The following CYP26B1 variants were observed in gnomAD, a reference collection of about 807,000 sequenced individuals.
The protein encoded by CYP26B1 is cytochrome P450 family 26 subfamily B member 1.
CYP26B1 carries 8 observed loss-of-function variants against 39.1 expected under a neutral mutation model. That is an observed-to-expected ratio of 0.20 (90% CI 0.12 to 0.37). The LOEUF is 0.37. Ranked by LOEUF, CYP26B1 falls within the 10% of genes least tolerant of loss-of-function variation. The pLI is 1.00. For missense variants in CYP26B1, 615 were observed against 707.0 expected, an observed-to-expected ratio of 0.87 and a Z score of 1.48; for synonymous variants, 321 against 314.3, an observed-to-expected ratio of 1.02 and a Z score of -0.23.
chr2:72,135,475 G>A, intron 2 of CYP26B1, 56 bp from the exon 3 acceptor site: 1 of 1,596,390 alleles, frequency 6.3e-7, no homozygotes, highest in Non-Finnish European at 8.5e-7. Context: ...CCCCTGGCCA[G>A]CCCCTCACTC....
intron 5 of CYP26B1, 144 bp downstream of exon 5, chr2:72,132,879 C>A: frequency 7.0e-7 from 1 of 1,422,780 alleles, no homozygotes; most frequent in Non-Finnish European, 9.6e-7. Flanking sequence ...CGCACTTCTC[C>A]CATCGGACTG....
chr2:72,136,303 A>G (rs1572925196), intron 2 of CYP26B1, among the ~76,000 whole-genome samples: 2 of 151,848 alleles, frequency 1.3e-5, no homozygotes, highest in South Asian at 4.2e-4. Flanking sequence ...CCCCCACTCC[A>G]CCCCATGCAA....
intron 2 of CYP26B1, among the ~76,000 whole-genome samples, chr2:72,143,603 GAT>G: frequency 6.6e-6 from 1 of 152,360 alleles, no homozygotes; most frequent in South Asian, 2.1e-4. Context: ...ATTTTAGAAT[GAT>G]CGGTCTCCAG....
chr2:72,132,441 A>G lies in CYP26B1; in HGVS notation c.1325T>C (p.Leu442Pro). ...GAACAGCTTGGCCAGGTGCTTGCCC[A>G]GGCAGGTCCGGACACCGCCACCGAA... Reference protein sequence around the residue: ...LPFGGGVRTCLGKHLAKLFLK... With the variant: ...LPFGGGVRTCPGKHLAKLFLK... The change falls in exon 6 of 6, where the codon CTG becomes CCG. Residue 442 changes from leucine (L) to proline (P), a missense_variant. Transcript: ENST00000001146. 1 of 1,613,250 alleles carries G rather than the reference A, an allele frequency of 6.2e-7. No homozygotes were observed. Among genetic ancestry groups the G allele is most frequent in the Non-Finnish European group, 8.5e-7 (1 of 1,179,614 alleles).
intron 1 of CYP26B1, 42 bp from the exon 2 acceptor site, chr2:72,144,255 G>A (rs760252440): frequency 2.2e-5 from 35 of 1,563,390 alleles, no homozygotes; most frequent in Non-Finnish European, 3.0e-5. Flanking sequence ...GTGCACTTCT[G>A]CAGAGGGCCC....
chr2:72,139,115 G>C (rs1224163771), intron 2 of CYP26B1, among the ~76,000 whole-genome samples: 1 of 152,090 alleles, frequency 6.6e-6, no homozygotes, highest in African/African-American at 2.4e-5. Context: ...CAGTAGGAGC[G>C]GGTAGAGCCG....
chr2:72,141,785 T>C (rs1478680874), intron 2 of CYP26B1, among the ~76,000 whole-genome samples: 1 of 152,254 alleles, frequency 6.6e-6, no homozygotes, highest in Non-Finnish European at 1.5e-5. Flanking sequence ...TCCAGGACTT[T>C]CATGGAGTTC....
At position 72,135,145 on chromosome 2, in the gene CYP26B1, C is replaced by T. The variant is rs267599444; in HGVS notation, c.704G>A (p.Arg235Gln). 1.3e-4 allele frequency: 213 copies of T among 1,613,440 alleles called. 4 individuals carry two copies. The highest frequency in any genetic ancestry group is 1.0e-3 in the East Asian group (45 of 44,868). The change falls in exon 3 of 6, where the codon CGG (arginine) becomes CAG (glutamine). Residue 235 changes from arginine (R) to glutamine (Q), a missense_variant and splice_region_variant. Coordinates refer to ENST00000001146, the MANE Select transcript of CYP26B1 (RefSeq NM_019885.4). ...PVDLPFSGYR[R>Q]GIQARQILQK... Reference sequence around the variant, plus strand: ...TCCTCCCAGGCCCTGGGTGCTCACCCGCCGGTAGCCACTGAAGGGCAGGTC... The same window carrying T: ...TCCTCCCAGGCCCTGGGTGCTCACCTGCCGGTAGCCACTGAAGGGCAGGTC...
At chr2:72,143,276 G>A (rs1412924726) in intron 2 of CYP26B1, among the ~76,000 whole-genome samples, 1 of 152,222 alleles carries the variant, frequency 6.6e-6, no homozygotes, top group Admixed American at 6.5e-5. Context: ...GCGCAGCCGG[G>A]AGGGGCGGGG....
chr2:72,134,827 G>A lies in CYP26B1; in HGVS notation c.795C>T (p.Asp265=), dbSNP rs775043908. The A allele has an allele frequency of 2.0e-5, 33 of 1,614,046 alleles. 2 individuals are homozygous for A. Among genetic ancestry groups the A allele is most frequent in the South Asian group, 1.6e-4 (15 of 91,088 alleles). Residue 265 remains aspartate (D), a synonymous_variant, in exon 4 of 6, where the codon GAC becomes GAT. Transcript: ENST00000001146. ...TGCTCTCAATGAGGAGGTCCAGGGCGTCCAAGTAGTCCTTGCCCTGTGTGC... is the reference window on the plus strand; with the variant it reads ...TGCTCTCAATGAGGAGGTCCAGGGCATCCAAGTAGTCCTTGCCCTGTGTGC... ...LQCTQGKDYL[D]ALDLLIESSK...
intron 2 of CYP26B1, among the ~76,000 whole-genome samples, chr2:72,138,044 T>C (rs1418708838): frequency 6.6e-6 from 1 of 152,208 alleles, no homozygotes; most frequent in Non-Finnish European, 1.5e-5. Context: ...TCTGCCAGGC[T>C]GTCCGTGACG....
chr2:72,143,920 G>A, intron 2 of CYP26B1, 69 bp downstream of exon 2: 4 of 1,566,178 alleles, frequency 2.6e-6, no homozygotes, highest in Non-Finnish European at 2.6e-6. Flanking sequence ...GACATTCCCC[G>A]GGCTCCAGGA....
rs1466324113 is a variant in CYP26B1 at position 72,132,461 on chromosome 2, A to G, written c.1305T>C (p.Gly435=). 6 of 1,613,268 alleles carry G rather than the reference A, an allele frequency of 3.7e-6. No homozygotes were observed. In the African/African-American group the frequency reaches 6.7e-5, roughly 18 times the overall value. Residue 435 remains glycine (G), a synonymous_variant, in exon 6 of 6, where the codon GGT becomes GGC. Transcript: ENST00000001146. The part of the protein sequence containing the change: ...KDGRFHYLPF[G]GGVRTCLGKH... Reference sequence around the variant, plus strand: ...TGCCCAGGCAGGTCCGGACACCGCCACCGAACGGGAGGTAATGGAAGCGGC... The same window carrying G: ...TGCCCAGGCAGGTCCGGACACCGCCGCCGAACGGGAGGTAATGGAAGCGGC...
Position 72,135,251 on chromosome 2 carries a change from A to T in CYP26B1, c.598T>A (p.Phe200Ile), listed in dbSNP as rs185325941. 1 of 1,614,122 alleles carries T rather than the reference A, an allele frequency of 6.2e-7. No homozygotes were observed. Among genetic ancestry groups the T allele is most frequent in the Non-Finnish European group, 8.5e-7 (1 of 1,180,038 alleles). The change falls in exon 3 of 6, where the codon TTC (phenylalanine) becomes ATC (isoleucine). Residue 200 changes from phenylalanine to isoleucine, a missense_variant. Phe to Ile is a conservative substitution (Grantham distance 21, BLOSUM62 0). Transcript: ENST00000001146. ...FRMAIRVLLG[F>I]SIPEEDLGHL... Reference sequence around the variant, plus strand: ...CCAAGGTCCTCCTCAGGGATGCTGAAGCCCAGCAGCACCCGGATGGCCATG... The same window carrying T: ...CCAAGGTCCTCCTCAGGGATGCTGATGCCCAGCAGCACCCGGATGGCCATG...
chr2:72,145,298 G>A (rs530150605), intron 1 of CYP26B1, among the ~76,000 whole-genome samples: 2 of 152,272 alleles, frequency 1.3e-5, no homozygotes, highest in East Asian at 3.9e-4. Context: ...GTGCACACAC[G>A]CCAGTACAGC....
chr2:72,135,951 C>T (rs1247541165), intron 2 of CYP26B1, among the ~76,000 whole-genome samples: 1 of 152,094 alleles, frequency 6.6e-6, no homozygotes, highest in Non-Finnish European at 1.5e-5. Context: ...CAATGGCTTT[C>T]CACCCCTAAA....
At chr2:72,145,330 C>T (rs966230933) in intron 1 of CYP26B1, among the ~76,000 whole-genome samples, 6 of 152,206 alleles carry the variant, frequency 3.9e-5, no homozygotes, top group Non-Finnish European at 8.8e-5. Context: ...TCTGCAGAAC[C>T]CGGAGCCCTA....
intron 3 of CYP26B1, 87 bp from the exon 4 acceptor site, chr2:72,135,003 T>C: frequency 6.2e-7 from 1 of 1,601,358 alleles, no homozygotes; most frequent in Non-Finnish European, 8.5e-7. Context: ...AGCCTCCTCC[T>C]ACCCCACGCT....
At chr2:72,138,884 T>C (rs1346177962) in intron 2 of CYP26B1, among the ~76,000 whole-genome samples, 6 of 152,214 alleles carry the variant, frequency 3.9e-5, no homozygotes, top group Non-Finnish European at 7.3e-5. Context: ...CACAAGGGTC[T>C]AGGGGTACCG....
Sources: gnomAD v4.1 joint callset for allele counts (sites outside exome capture counted in the v4.1 genomes callset) on GRCh38, gnomAD v4.1.1 for gene constraint, MANE v1.5 for transcripts, NCBI Gene and HGNC (gene_info 2026-07-23, HGNC 2026-07-21) for gene names.